CDH18: variants seen among roughly 807,000 people sequenced by gnomAD.
CDH18 encodes the protein cadherin-18.
In CDH18, 31 loss-of-function variants were observed where a neutral mutation model predicts 67.9. The ratio of observed to expected loss-of-function variants is 0.46; its 90% CI spans 0.34 to 0.62. The LOEUF (loss-of-function observed/expected upper bound fraction) is 0.62, where lower values mean the gene tolerates loss of function less well. Among genes scored for constraint, CDH18 ranks in the 20% least tolerant of loss-of-function variants. CDH18 has a pLI of 0.01. For missense variants in CDH18, 890 were observed against 975.5 expected (o/e 0.91, Z 1.17); for synonymous variants, 362 against 347.2 (o/e 1.04, Z -0.48).
At chr5:20,464,769 T>C (rs1336373739) in intron 1 of CDH18, among the ~76,000 whole-genome samples, 4 of 151,984 alleles carry the variant, frequency 2.6e-5, no homozygotes, top group African/African-American at 7.3e-5. Context: ...GAGATACAAT[T>C]GAGATGGCAA....
At chr5:19,517,943 A>C (rs1746296312) in intron 10 of CDH18, among the ~76,000 whole-genome samples, 3 of 151,850 alleles carry the variant, frequency 2.0e-5, no homozygotes, top group Admixed American at 1.3e-4. Flanking sequence ...ATTACCAGTA[A>C]TTGAGATACT....
intron 2 of CDH18, among the ~76,000 whole-genome samples, chr5:20,114,428 T>C (rs1747725791): frequency 6.6e-6 from 1 of 151,912 alleles, no homozygotes; most frequent in South Asian, 2.1e-4. Context: ...TCAGCAAAAG[T>C]GATTCATAAG....
At chr5:19,845,808 T>C (rs1196953604) in intron 2 of CDH18, among the ~76,000 whole-genome samples, 1 of 151,780 alleles carries the variant, frequency 6.6e-6, no homozygotes, top group Non-Finnish European at 1.5e-5. Flanking sequence ...GTGTATGATA[T>C]AAGTATAGCT....
At chr5:19,742,705 TCA>T (rs1769374309) in intron 4 of CDH18, among the ~76,000 whole-genome samples, 1 of 151,932 alleles carries the variant, frequency 6.6e-6, no homozygotes, top group African/African-American at 2.4e-5. Flanking sequence ...CTAGCCACTA[TCA>T]CAGCTCTCAG....
intron 2 of CDH18, among the ~76,000 whole-genome samples, chr5:19,946,729 C>T (rs1245408253): frequency 5.3e-5 from 8 of 152,008 alleles, no homozygotes. Flanking sequence ...GGAACATTTC[C>T]CAACATATTT....
At position 20,376,249 on chromosome 5, in the gene CDH18, T is replaced by G. The variant is rs564521129; in HGVS notation, c.-579-120744A>C. On this transcript the variant is annotated intron_variant, in intron 1 of 14. Coordinates refer to the CDH18 transcript ENST00000507958. ...GCTGGGACTACAGGCGCCCGCCACC[T>G]CGCCCAGCTAATTTTTTGTATTTTT... 3.3e-5 allele frequency among the ~76,000 whole-genome samples: 5 copies of G among 151,374 alleles called. No homozygotes were observed. In the South Asian group the frequency reaches 8.3e-4, roughly 25 times the overall value.
intron 1 of CDH18, among the ~76,000 whole-genome samples, chr5:20,525,762 G>A (rs1397653283): frequency 6.6e-6 from 1 of 151,550 alleles, no homozygotes; most frequent in East Asian, 1.9e-4. Flanking sequence ...TAAGGTATGA[G>A]GTAAACATAT....
At chr5:20,061,357 T>C (rs1407136141) in intron 2 of CDH18, among the ~76,000 whole-genome samples, 2 of 152,162 alleles carry the variant, frequency 1.3e-5, no homozygotes, top group African/African-American at 2.4e-5. Context: ...CCACAAAGTA[T>C]AATTCCTTTC....
At chr5:19,482,954 T>C (rs1739714091) in intron 12 of CDH18, among the ~76,000 whole-genome samples, 1 of 152,114 alleles carries the variant, frequency 6.6e-6, no homozygotes. Flanking sequence ...GCTGGGGTCT[T>C]GGTCAGATTC....
chr5:20,064,246 G>T (rs1210900855), intron 2 of CDH18, among the ~76,000 whole-genome samples: 2 of 152,084 alleles, frequency 1.3e-5, no homozygotes, highest in Non-Finnish European at 2.9e-5. Flanking sequence ...AAACACCATG[G>T]TTGAAAGTTA....
At chr5:19,981,378 T>G (rs79169627) in intron 1 of CDH18, among the ~76,000 whole-genome samples, 200 bp from the exon 2 acceptor site, 3,812 of 151,972 alleles carry the variant, frequency 0.025, 128 homozygotes, top group African/African-American at 0.084. Context: ...TAGTCCATTT[T>G]CTGCTGCTAT....
At chr5:20,345,421 G>A (rs868016656) in intron 1 of CDH18, among the ~76,000 whole-genome samples, 7 of 152,106 alleles carry the variant, frequency 4.6e-5, no homozygotes, top group African/African-American at 1.4e-4. Flanking sequence ...CTTTCACAAC[G>A]TGAAACAGCT....
At chr5:20,291,708 C>A (rs1165098155) in intron 1 of CDH18, among the ~76,000 whole-genome samples, 1 of 151,958 alleles carries the variant, frequency 6.6e-6, no homozygotes, top group Non-Finnish European at 1.5e-5. Flanking sequence ...TACTCAAGGT[C>A]AAATTGAGTC....
At chr5:19,546,874 C>G (rs1736412944) in intron 8 of CDH18, among the ~76,000 whole-genome samples, 1 of 152,002 alleles carries the variant, frequency 6.6e-6, no homozygotes, top group African/African-American at 2.4e-5. Context: ...GTGATCAAAA[C>G]AAGGAACTGA....
chr5:19,531,981 T>G (rs1405988832), intron 9 of CDH18, among the ~76,000 whole-genome samples: 1 of 152,182 alleles, frequency 6.6e-6, no homozygotes, highest in East Asian at 1.9e-4. Flanking sequence ...GAAATCCCTT[T>G]AACTTTTGTG....
chr5:19,937,405 G>A (rs1458565462), intron 2 of CDH18, among the ~76,000 whole-genome samples: 2 of 151,428 alleles, frequency 1.3e-5, no homozygotes, highest in African/African-American at 2.4e-5. Flanking sequence ...TGATGTGTGT[G>A]AGGCACAATG....
At chr5:19,827,041 A>C (rs1780485036) in intron 3 of CDH18, among the ~76,000 whole-genome samples, 1 of 152,174 alleles carries the variant, frequency 6.6e-6, no homozygotes, top group Admixed American at 6.6e-5. Context: ...AGAAAAATCT[A>C]CCAAGAAAAT....
intron 2 of CDH18, among the ~76,000 whole-genome samples, chr5:20,074,360 T>C (rs1743746147): frequency 6.6e-6 from 1 of 152,146 alleles, no homozygotes; most frequent in Non-Finnish European, 1.5e-5. Context: ...TTATACACAA[T>C]ATAGTTTTTA....
intron 2 of CDH18, among the ~76,000 whole-genome samples, chr5:20,214,127 A>G (rs975446823): frequency 6.6e-6 from 1 of 152,082 alleles, no homozygotes; most frequent in Non-Finnish European, 1.5e-5. Context: ...AAATATAGCT[A>G]TCAAGAAAGG....
Sources: gnomAD v4.1 joint callset for allele counts (sites outside exome capture counted in the v4.1 genomes callset) on GRCh38, gnomAD v4.1.1 for gene constraint, MANE v1.5 for transcripts, NCBI Gene and HGNC (gene_info 2026-07-23, HGNC 2026-07-21) for gene names.